The following PGBD2 variants were observed in gnomAD, a reference collection of about 807,000 sequenced individuals.
PGBD2 encodes the protein piggyBac transposable element-derived protein 2.
PGBD2 carries 6 observed loss-of-function variants against 8.1 expected under a neutral mutation model. That is an observed-to-expected ratio of 0.74 (90% CI 0.40 to 1.46). The LOEUF (loss-of-function observed/expected upper bound fraction) is 1.46, where lower values mean the gene tolerates loss of function less well. Ranked by LOEUF, PGBD2 falls within the 40% of genes most tolerant of loss-of-function variation. PGBD2 has a pLI of 0.02. For missense variants in PGBD2, 802 were observed against 739.0 expected, an observed-to-expected ratio of 1.09 and a Z score of -0.99; for synonymous variants, 318 against 272.2, an observed-to-expected ratio of 1.17 and a Z score of -1.66.
chr1:248,911,401 A>G (rs1419378582), intron 1 of PGBD2, among the ~76,000 whole-genome samples: 1 of 150,310 alleles, frequency 6.7e-6, no homozygotes, highest in African/African-American at 2.5e-5. Context: ...CTGAGTGGAC[A>G]CAGCACATGT....
At chr1:248,874,933 G>GATAGATAGACAA in the PGBD2 span, among the ~76,000 whole-genome samples, 1 of 150,588 alleles carries the variant, frequency 6.6e-6, no homozygotes, top group African/African-American at 2.5e-5. Flanking sequence ...TAGATAGATA[G>GATAGATAGACAA]ATAGATAGAT....
the PGBD2 span, among the ~76,000 whole-genome samples, chr1:248,888,089 T>C: frequency 6.6e-6 from 1 of 152,218 alleles, no homozygotes; most frequent in Non-Finnish European, 1.5e-5. Context: ...AGGACATAAT[T>C]CTATTCTTTT....
At chr1:248,902,136 G>A (rs1661544572), upstream of PGBD2, among the ~76,000 whole-genome samples, 1 of 152,128 alleles carries the variant, frequency 6.6e-6, no homozygotes, top group South Asian at 2.1e-4. Flanking sequence ...AGGCATGGTG[G>A]CACACACCTG....
chr1:248,872,958 T>G, the PGBD2 span, among the ~76,000 whole-genome samples: 6,980 of 152,276 alleles, frequency 0.046, 529 homozygotes, highest in African/African-American at 0.16. Context: ...AACTGCACAG[T>G]CTAAAAATAG....
downstream of PGBD2, among the ~76,000 whole-genome samples, chr1:248,921,629 G>C (rs1288096918): frequency 6.6e-6 from 1 of 152,100 alleles, no homozygotes; most frequent in Non-Finnish European, 1.5e-5. Context: ...CTCTTTTTTA[G>C]TTCCACATGA....
chr1:248,906,204 C>G (rs1250943236), upstream of PGBD2: 1 of 151,806 alleles, frequency 6.6e-6, no homozygotes, highest in Non-Finnish European at 1.5e-5. Flanking sequence ...GCATGGAAGG[C>G]CGGCCGAGGT....
chr1:248,923,344 CTCTTT>C (rs1168153269), downstream of PGBD2, among the ~76,000 whole-genome samples: 1 of 152,172 alleles, frequency 6.6e-6, no homozygotes, highest in African/African-American at 2.4e-5. Flanking sequence ...TGGTTCTTCT[CTCTTT>C]TCTTCTTTAT....
At chr1:248,873,929 T>G in the PGBD2 span, among the ~76,000 whole-genome samples, 3 of 152,206 alleles carry the variant, frequency 2.0e-5, no homozygotes, top group Non-Finnish European at 4.4e-5. Context: ...GGTCTCCGGA[T>G]GGAGGCGTGG....
the PGBD2 span, among the ~76,000 whole-genome samples, chr1:248,898,759 C>A: frequency 1.3e-5 from 2 of 152,052 alleles, no homozygotes; most frequent in Non-Finnish European, 2.9e-5. Context: ...CAAAGAAAAA[C>A]ATTAACCTTA....
chr1:248,875,308 C>CAA, the PGBD2 span, among the ~76,000 whole-genome samples: 1,047 of 110,162 alleles, frequency 9.5e-3, 7 homozygotes, highest in African/African-American at 0.023. Context: ...AAAAACAAAA[C>CAA]AAAAAAAAAA....
chr1:248,882,338 C>T, the PGBD2 span, among the ~76,000 whole-genome samples: 5 of 152,046 alleles, frequency 3.3e-5, no homozygotes, highest in African/African-American at 9.7e-5. Flanking sequence ...CATCTGTATG[C>T]AGAAGTACAG....
chr1:248,894,092 A>G, the PGBD2 span, among the ~76,000 whole-genome samples: 1 of 152,076 alleles, frequency 6.6e-6, no homozygotes, highest in Non-Finnish European at 1.5e-5. Context: ...GCTCATTTTT[A>G]TATCAGGTTA....
At chr1:248,908,353 C>T (rs560756602) in intron 1 of PGBD2, among the ~76,000 whole-genome samples, 7 of 152,210 alleles carry the variant, frequency 4.6e-5, no homozygotes, top group South Asian at 2.1e-4. Flanking sequence ...CTGGGCAGCT[C>T]GTGACCACCC....
chr1:248,889,587 T>C, the PGBD2 span, among the ~76,000 whole-genome samples: 1 of 152,024 alleles, frequency 6.6e-6, no homozygotes. Context: ...TCACTTATCT[T>C]CTAACTACAA....
intron 1 of PGBD2, 29 bp downstream of exon 1, chr1:248,906,371 C>T (rs1401824318): frequency 6.6e-6 from 1 of 152,032 alleles, no homozygotes; most frequent in Non-Finnish European, 1.5e-5. Context: ...GCGCTGCAGG[C>T]AGGGCTTCGC....
chr1:248,890,008 A>T, the PGBD2 span, among the ~76,000 whole-genome samples: 38 of 149,878 alleles, frequency 2.5e-4, no homozygotes, highest in Admixed American at 6.6e-4. Context: ...GCTCACCACA[A>T]CCTCCACCTC....
the PGBD2 span, among the ~76,000 whole-genome samples, chr1:248,875,308 C>CAAGAAAAAAAAAAAAAA: frequency 9.1e-6 from 1 of 110,254 alleles, no homozygotes; most frequent in South Asian, 3.1e-4. Context: ...AAAAACAAAA[C>CAAGAAAAAAAAAAAAAA]AAAAAAAAAA....
intron 1 of PGBD2, among the ~76,000 whole-genome samples, chr1:248,910,002 T>C (rs1294456167): frequency 6.6e-6 from 1 of 152,120 alleles, no homozygotes; most frequent in Non-Finnish European, 1.5e-5. Flanking sequence ...TGTCAGTCTG[T>C]ATGTTAGCAA....
intron 1 of PGBD2, among the ~76,000 whole-genome samples, chr1:248,908,223 C>T (rs910409905): frequency 6.6e-6 from 1 of 152,156 alleles, no homozygotes. Flanking sequence ...AGCAGCTCTC[C>T]CACCTCCCAA....
Sources: gnomAD v4.1 joint callset for allele counts (sites outside exome capture counted in the v4.1 genomes callset) on GRCh38, gnomAD v4.1.1 for gene constraint, MANE v1.5 for transcripts, NCBI Gene and HGNC (gene_info 2026-07-23, HGNC 2026-07-21) for gene names.